Variants in EYS observed in about 807,000 individuals in gnomAD.
The protein encoded by EYS is protein eyes shut homolog.
A neutral mutation model predicts 282.1 loss-of-function variants in EYS; 250 were observed. That is an observed-to-expected ratio of 0.89 (90% confidence interval 0.80 to 0.98). The LOEUF (loss-of-function observed/expected upper bound fraction) is 0.98. Ranked by LOEUF, EYS falls within the 50% of genes least tolerant of loss-of-function variation. The pLI is 0.00. For synonymous variants in EYS, 1,355 were observed against 1,282.9 expected (o/e 1.06, Z -1.20); for missense variants, 4,016 against 3,709.0 (o/e 1.08, Z -2.15).
chr6:64,390,172 T>G (rs2150426277), intron 28 of EYS, among the ~76,000 whole-genome samples: 1 of 152,026 alleles, frequency 6.6e-6, no homozygotes, highest in South Asian at 2.1e-4. Flanking sequence ...GAGATCAAAC[T>G]GCAAGGAGGC....
At chr6:65,403,366 T>A (rs903690513) in intron 6 of EYS, among the ~76,000 whole-genome samples, 3 of 152,036 alleles carry the variant, frequency 2.0e-5, no homozygotes, top group Non-Finnish European at 4.4e-5. Context: ...CCTCTTGCTG[T>A]CCTCCTTATT....
chr6:64,253,750 A>AG (rs71551575), intron 30 of EYS, among the ~76,000 whole-genome samples: 45,667 of 151,660 alleles, frequency 0.3, 6,929 homozygotes, highest in East Asian at 0.51. Context: ...GACTTAGTGC[A>AG]GGGGGGTTTA....
chr6:63,806,028 G>T (rs1474000223), intron 37 of EYS, among the ~76,000 whole-genome samples, 162 bp downstream of exon 37: 2 of 152,228 alleles, frequency 1.3e-5, no homozygotes, highest in African/African-American at 4.8e-5. Flanking sequence ...GAACTGCTAA[G>T]TACTTTGGAC....
intron 12 of EYS, among the ~76,000 whole-genome samples, chr6:65,190,430 A>G (rs1159392155): frequency 2.0e-5 from 3 of 151,058 alleles, no homozygotes; most frequent in Non-Finnish European, 4.4e-5. Context: ...GGTTTCTAAG[A>G]TACATTAAAA....
chr6:64,766,120 G>T (rs548920756), intron 22 of EYS, among the ~76,000 whole-genome samples: 1 of 151,142 alleles, frequency 6.6e-6, no homozygotes, highest in African/African-American at 2.4e-5. Flanking sequence ...TAGAGATGGG[G>T]TTTCACCATA....
intron 36 of EYS, among the ~76,000 whole-genome samples, chr6:63,829,685 G>T (rs1055689442): frequency 6.6e-5 from 10 of 152,182 alleles, no homozygotes; most frequent in African/African-American, 2.2e-4. Context: ...AGACTTAAAC[G>T]TCCCTGTCTG....
intron 15 of EYS, among the ~76,000 whole-genome samples, chr6:64,942,231 T>C (rs1270999538): frequency 4.0e-5 from 6 of 149,752 alleles, no homozygotes; most frequent in Non-Finnish European, 7.4e-5. Flanking sequence ...TTTTTTCATA[T>C]GTTTATGGGG....
At chr6:64,860,788 C>G (rs1420731581) in intron 19 of EYS, among the ~76,000 whole-genome samples, 1 of 152,134 alleles carries the variant, frequency 6.6e-6, no homozygotes, top group Non-Finnish European at 1.5e-5. Context: ...GGTAGGTAGA[C>G]AAGTGGAGGA....
At chr6:64,330,118 C>T (rs1770585029) in intron 29 of EYS, among the ~76,000 whole-genome samples, 1 of 152,130 alleles carries the variant, frequency 6.6e-6, no homozygotes, top group Non-Finnish European at 1.5e-5. Flanking sequence ...TAGCTGCACC[C>T]ACAAAAGAAG....
chr6:64,187,954 ACAG>A (rs1452660649), intron 31 of EYS, among the ~76,000 whole-genome samples: 2 of 152,092 alleles, frequency 1.3e-5, no homozygotes, highest in Non-Finnish European at 2.9e-5. Flanking sequence ...TATTCTGAAA[ACAG>A]CAAGAAAATG....
chr6:65,278,473 T>C (rs914603373), intron 12 of EYS, among the ~76,000 whole-genome samples: 1 of 150,990 alleles, frequency 6.6e-6, no homozygotes, highest in African/African-American at 2.4e-5. Flanking sequence ...ATTACATTAT[T>C]CAAAAATTAT....
At chr6:64,096,210 GA>G (rs1291671166) in intron 31 of EYS, among the ~76,000 whole-genome samples, 1 of 152,138 alleles carries the variant, frequency 6.6e-6, no homozygotes, top group African/African-American at 2.4e-5. Context: ...CAACTTTGTT[GA>G]ATCTGACAAT....
chr6:65,106,313 T>G, intron 12 of EYS, among the ~76,000 whole-genome samples: 1 of 152,044 alleles, frequency 6.6e-6, no homozygotes, highest in South Asian at 2.1e-4. Context: ...CCCTTATTTT[T>G]TCTTTACTTG....
At chr6:63,737,829 C>T (rs1262738619) in intron 41 of EYS, among the ~76,000 whole-genome samples, 1 of 152,034 alleles carries the variant, frequency 6.6e-6, no homozygotes, top group Admixed American at 6.6e-5. Flanking sequence ...TTTTCGCAAC[C>T]TACTCATCTG....
chr6:64,297,977 C>CAAAAAAAAAAAAAAAAAAAAAAAAAAAAA (rs34562408), intron 30 of EYS, among the ~76,000 whole-genome samples: 5 of 96,456 alleles, frequency 5.2e-5, no homozygotes, highest in African/African-American at 1.9e-4. Context: ...GATTCTGTCT[C>CAAAAAAAAAAAAAAAAAAAAAAAAAAAAA]AAAAAAAAAA....
In EYS at chr6:64,769,666, G is replaced by C. The variant is rs147913392; in HGVS notation, c.3443+43712C>G. Among the ~76,000 whole-genome samples the C allele has an allele frequency of 2.7e-3, 412 of 152,046 alleles. 1 individual carries two copies. The highest frequency in any genetic ancestry group is 6.8e-3 in the Middle Eastern group (2 of 294). ...GATTAAAAAGGGCAGGATATGATTGGATCACCTAAAAAATGTATCCAGCTT... is the reference window on the plus strand; with the variant it reads ...GATTAAAAAGGGCAGGATATGATTGCATCACCTAAAAAATGTATCCAGCTT... On this transcript the variant is annotated intron_variant, in intron 22 of 42. Coordinates refer to ENST00000503581, the MANE Select transcript of EYS (RefSeq NM_001142800.2).
At chr6:65,190,372 C>A (rs1765612434) in intron 12 of EYS, among the ~76,000 whole-genome samples, 1 of 148,796 alleles carries the variant, frequency 6.7e-6, no homozygotes, top group Admixed American at 6.8e-5. Context: ...AGGCTATGTT[C>A]ACTATTTTAC....
At chr6:64,987,450 T>A (rs74864959) in intron 14 of EYS, among the ~76,000 whole-genome samples, 2,403 of 151,652 alleles carry the variant, frequency 0.016, 64 homozygotes, top group African/African-American at 0.055. Context: ...ATACCAAATA[T>A]GCATGCAGTT....
chr6:64,105,167 G>A (rs968049751), intron 31 of EYS, among the ~76,000 whole-genome samples: 1 of 151,842 alleles, frequency 6.6e-6, no homozygotes, highest in Non-Finnish European at 1.5e-5. Flanking sequence ...TGGTGGTTAT[G>A]GGAGGAAAAT....
Sources: allele counts gnomAD v4.1 joint callset (sites outside exome capture counted in the v4.1 genomes callset), GRCh38; gene constraint gnomAD v4.1.1; transcripts MANE v1.5; gene names NCBI Gene and HGNC (gene_info 2026-07-23, HGNC 2026-07-21).